MTUS2: variants seen among roughly 807,000 people sequenced by gnomAD.
MTUS2 encodes the protein microtubule associated scaffold protein 2.
Under a neutral mutation model 114.1 loss-of-function variants are expected in MTUS2, and 40 were observed. That is an observed-to-expected ratio of 0.35 (90% CI 0.27 to 0.46). MTUS2 has a LOEUF of 0.46. Among genes scored for constraint, MTUS2 ranks in the 20% least tolerant of loss-of-function variants. The pLI is 1.00. For synonymous variants in MTUS2, 688 were observed against 672.0 expected (o/e 1.02, Z -0.37); for missense variants, 1,679 against 1,705.4 (o/e 0.98, Z 0.27).
At chr13:29,343,263 C>G (rs2031880539) in intron 7 of MTUS2, among the ~76,000 whole-genome samples, 1 of 152,024 alleles carries the variant, frequency 6.6e-6, no homozygotes, top group African/African-American at 2.4e-5. Context: ...TCATAGAATT[C>G]AACTGGGAAC....
intron 5 of MTUS2, among the ~76,000 whole-genome samples, chr13:29,126,623 T>A (rs1486193233): frequency 1.4e-5 from 2 of 147,294 alleles, no homozygotes; most frequent in Non-Finnish European, 3.1e-5. Context: ...TTATGAGATT[T>A]TTTTGTGATT....
At chr13:29,385,682 A>G (rs1224567683) in intron 8 of MTUS2, among the ~76,000 whole-genome samples, 4 of 152,154 alleles carry the variant, frequency 2.6e-5, no homozygotes, top group Admixed American at 2.6e-4. Context: ...TTGGGGACAA[A>G]TGATTGTCTG....
chr13:29,138,402 A>G (rs1892073333), intron 5 of MTUS2, among the ~76,000 whole-genome samples: 1 of 150,290 alleles, frequency 6.7e-6, no homozygotes, highest in South Asian at 2.1e-4. Context: ...GAATCCTCAT[A>G]TGCTTTTATA....
intron 2 of MTUS2, among the ~76,000 whole-genome samples, chr13:28,860,679 A>G (rs546696286): frequency 2.0e-5 from 3 of 152,156 alleles, no homozygotes; most frequent in Non-Finnish European, 4.4e-5. Flanking sequence ...TCCACCTCAG[A>G]TGTTTCCCTG....
intron 7 of MTUS2, among the ~76,000 whole-genome samples, chr13:29,355,339 T>C (rs1164310687): frequency 6.6e-6 from 1 of 152,160 alleles, no homozygotes; most frequent in Non-Finnish European, 1.5e-5. Flanking sequence ...GCATGGATTC[T>C]ATCTTCTCCT....
intron 9 of MTUS2, among the ~76,000 whole-genome samples, chr13:29,462,770 G>C (rs1243976180): frequency 1.3e-5 from 2 of 152,052 alleles, no homozygotes; most frequent in East Asian, 1.9e-4. Context: ...AGATGAGAGA[G>C]ACACCACCAT....
chr13:29,490,699 C>T (rs1044846778), intron 11 of MTUS2, among the ~76,000 whole-genome samples: 8 of 152,372 alleles, frequency 5.3e-5, no homozygotes, highest in Middle Eastern at 6.8e-3. Context: ...TATAGTTCTC[C>T]GAGTGCAGCC....
At chr13:28,906,114 T>G (rs1879991413) in intron 2 of MTUS2, among the ~76,000 whole-genome samples, 1 of 151,624 alleles carries the variant, frequency 6.6e-6, no homozygotes, top group South Asian at 2.1e-4. Context: ...CCTTTATTAT[T>G]TTTTATTGTG....
At chr13:29,040,623 T>A (rs1203480137) in intron 4 of MTUS2, among the ~76,000 whole-genome samples, 1 of 152,188 alleles carries the variant, frequency 6.6e-6, no homozygotes, top group Non-Finnish European at 1.5e-5. Flanking sequence ...CACCAACATC[T>A]ATTATTTTTT....
At position 29,024,855 on chromosome 13, in the gene MTUS2, A is replaced by G. The variant is rs765637870; in HGVS notation, c.157A>G (p.Thr53Ala). 13 of 1,613,912 alleles carry G rather than the reference A, an allele frequency of 8.1e-6. No individual in the cohort carries two copies. In the East Asian group the frequency reaches 2.7e-4, roughly 33 times the overall value. Reference sequence around the variant, plus strand: ...CAGCTCCTCTCATGACGAGTCCAAGACATGTGACCTGGGAGATGAAATTGG... The same window carrying G: ...CAGCTCCTCTCATGACGAGTCCAAGGCATGTGACCTGGGAGATGAAATTGG... ...EVSSSHDESK[T>A]CDLGDEIGNT... Residue 53 changes from threonine (T) to alanine (A), a missense_variant, in exon 3 of 16, where the codon ACA becomes GCA. Thr to Ala is a moderately conservative substitution (Grantham distance 58). This residue lies in a region of MTUS2 where 843 missense variants were observed against 770.8 expected (regional missense o/e 1.09). Coordinates refer to ENST00000612955, the MANE Select transcript of MTUS2 (RefSeq NM_001033602.4).
At chr13:28,988,736 T>C (rs940222012) in intron 2 of MTUS2, among the ~76,000 whole-genome samples, 2 of 152,184 alleles carry the variant, frequency 1.3e-5, no homozygotes, top group East Asian at 3.9e-4. Context: ...GAGTTGCCTT[T>C]GGAGTAGACA....
At chr13:29,220,936 A>T (rs1194257852) in intron 5 of MTUS2, among the ~76,000 whole-genome samples, 1 of 152,224 alleles carries the variant, frequency 6.6e-6, no homozygotes, top group Non-Finnish European at 1.5e-5. Context: ...TGTTCTGGTG[A>T]AGTATATATT....
intron 8 of MTUS2, among the ~76,000 whole-genome samples, chr13:29,411,630 A>C (rs575055350): frequency 6.6e-6 from 1 of 152,366 alleles, no homozygotes; most frequent in Non-Finnish European, 1.5e-5. Context: ...GTGTTTTCAC[A>C]GAGATTACAT....
In MTUS2 at chr13:29,129,127, A is replaced by G. The variant is rs145018179; in HGVS notation, c.2644+28157A>G. Among the ~76,000 whole-genome samples, 428 of 150,624 alleles carry G rather than the reference A, an allele frequency of 2.8e-3. 3 individuals are homozygous for G. The highest frequency in any genetic ancestry group is 2.1e-3 in the Non-Finnish European group (141 of 67,838). On this transcript the variant is annotated intron_variant, in intron 5 of 15. Transcript: ENST00000612955. ...TGTGCACTTTCTCTGGTTTATAAATATTTAGTACTATGATTACTCATATAT... is the reference window on the plus strand; with the variant it reads ...TGTGCACTTTCTCTGGTTTATAAATGTTTAGTACTATGATTACTCATATAT...
intron 4 of MTUS2, among the ~76,000 whole-genome samples, chr13:29,094,261 TG>T: frequency 6.6e-6 from 1 of 152,182 alleles, no homozygotes; most frequent in African/African-American, 2.4e-5. Flanking sequence ...GGGTGTAATT[TG>T]TGAATAATTC....
At chr13:29,440,489 T>C (rs1269621676) in intron 9 of MTUS2, among the ~76,000 whole-genome samples, 3 of 152,176 alleles carry the variant, frequency 2.0e-5, no homozygotes, top group Non-Finnish European at 4.4e-5. Context: ...CGAGAGTTCA[T>C]GTTGAAATTT....
chr13:29,368,573 A>G (rs1018299959), intron 8 of MTUS2, among the ~76,000 whole-genome samples: 1 of 152,218 alleles, frequency 6.6e-6, no homozygotes, highest in East Asian at 1.9e-4. Context: ...TAAACATTCA[A>G]TGCATGTATC....
At chr13:29,034,619 G>A (rs535969268) in intron 4 of MTUS2, among the ~76,000 whole-genome samples, 2 of 152,228 alleles carry the variant, frequency 1.3e-5, no homozygotes, top group Non-Finnish European at 2.9e-5. Context: ...GAATGGAGTT[G>A]CCACATAGAG....
Position 29,485,824 on chromosome 13 carries a change from G to A in MTUS2, c.3400-2076G>A, listed in dbSNP as rs143824381. Among the ~76,000 whole-genome samples the A allele has an allele frequency of 1.9e-4, 29 of 151,072 alleles. No homozygotes were observed. In the East Asian group the frequency reaches 5.3e-3, roughly 28 times the overall value. On this transcript the variant is annotated intron_variant, in intron 10 of 15. Coordinates refer to ENST00000612955, the MANE Select transcript of MTUS2 (RefSeq NM_001033602.4). ...GTCTGTCTTTTCTGAAACCACTCAT[G>A]ATCATTTGTGTAAGCACCGAATAAA...
Sources: gnomAD v4.1 joint callset for allele counts (sites outside exome capture counted in the v4.1 genomes callset) on GRCh38, gnomAD v4.1.1 for gene constraint, gnomAD v4.1.1 regional missense constraint, MANE v1.5 for transcripts, NCBI Gene and HGNC (gene_info 2026-07-23, HGNC 2026-07-21) for gene names.